Variants in RAD17 observed in about 807,000 individuals in gnomAD.
RAD17 encodes the protein cell cycle checkpoint protein RAD17.
A neutral mutation model predicts 81.5 loss-of-function variants in RAD17; 31 were observed. The ratio of observed to expected loss-of-function variants is 0.38; its 90% CI spans 0.29 to 0.51. The LOEUF (loss-of-function observed/expected upper bound fraction) is 0.51, where lower values mean the gene tolerates loss of function less well. Ranked by LOEUF, RAD17 falls within the 20% of genes least tolerant of loss-of-function variation. The pLI is 0.88. For synonymous variants in RAD17, 261 were observed against 266.2 expected (o/e 0.98, Z 0.19); for missense variants, 681 against 781.2 (o/e 0.87, Z 1.53).
At chr5:69,377,224 T>C (rs1763390088) in intron 6 of RAD17, among the ~76,000 whole-genome samples, 1 of 151,876 alleles carries the variant, frequency 6.6e-6, no homozygotes, top group Admixed American at 6.6e-5. Flanking sequence ...TTTTGGGCAG[T>C]CTATCTGACA....
Position 69,396,474 on chromosome 5 carries a change from T to C in RAD17, c.1500T>C (p.Tyr500=). The change falls in exon 16 of 19, where the codon TAT becomes TAC. Residue 500 remains tyrosine (Y), a synonymous_variant. Coordinates refer to ENST00000354868, the MANE Select transcript of RAD17 (RefSeq NM_133338.3). ...TGCATTCCAACAAAGCCCGAGGATA[T>C]GCTCATTGCCAAGGAGGAGGATCAA... ...GVMHSNKARG[Y]AHCQGGGSSF... 1 of 1,613,386 alleles carries C rather than the reference T, an allele frequency of 6.2e-7. No individual in the cohort carries two copies. The highest frequency in any genetic ancestry group is 8.5e-7 in the Non-Finnish European group (1 of 1,179,816).
Position 69,414,452 on chromosome 5 carries a change from T to C in RAD17, c.*160T>C, listed in dbSNP as rs949270183. The stretch of plus-strand genomic sequence containing the variant: ...TCACAAGAAACCTACTCTTCTGTCA[T>C]CTTGAAGTAAATAGAAGATCAAGCC... On this transcript the variant is annotated 3_prime_UTR_variant, in exon 19 of 19. Transcript: ENST00000354868. 32 of 834,524 alleles carry C rather than the reference T, an allele frequency of 3.8e-5. No individual in the cohort carries two copies. The South Asian group carries it at 5.2e-4, about 14-fold the overall frequency. The allele number at this position is 834,524 out of a possible 1,614,324, so 51.7% of individuals were successfully genotyped here.
chr5:69,380,877 C>T (rs1763811868), intron 6 of RAD17, among the ~76,000 whole-genome samples: 1 of 151,524 alleles, frequency 6.6e-6, no homozygotes, highest in South Asian at 2.1e-4. Flanking sequence ...GTGATTCTTC[C>T]ACCTCAGCCT....
rs1213706480 is a variant in RAD17 at position 69,377,541 on chromosome 5, A to G, written c.351+2830A>G. On this transcript the variant is annotated intron_variant, in intron 6 of 18. Coordinates refer to ENST00000354868, the MANE Select transcript of RAD17 (RefSeq NM_133338.3). ...CGTATATATATGTGTATATATACGT[A>G]TATATATGCATATATATGTATATAT... is the stretch of plus-strand genomic sequence containing the variant. Among the ~76,000 whole-genome samples the G allele has an allele frequency of 2.4e-4, 6 of 24,912 alleles. 2 individuals carry two copies. Among genetic ancestry groups the G allele is most frequent in the Non-Finnish European group, 4.1e-4 (4 of 9,658 alleles). The allele number at this position is 24,912 out of a possible 152,430, so 16.3% of individuals were successfully genotyped here. A position where few individuals can be genotyped will look rare whatever the true frequency, so the allele number is the denominator to read the frequency against.
chr5:69,388,343 GTTAGA>G (rs1764342819), intron 11 of RAD17, among the ~76,000 whole-genome samples: 1 of 152,026 alleles, frequency 6.6e-6, no homozygotes, highest in South Asian at 2.1e-4. Context: ...TCATAAATTA[GTTAGA>G]TTATTTTGTG....
chr5:69,374,003 A>T lies in RAD17; in HGVS notation c.183A>T (p.Leu61Phe), dbSNP rs1197435511. ...PARKRGNLSS[L>F]EQIYGLENSK... ...GAAAAAGAGGAAATCTATCTTCCTT[A>T]GAACAGATTTATGGTTTAGAAAATT... Residue 61 changes from leucine to phenylalanine, a missense_variant, in exon 5 of 19, where the codon TTA becomes TTT. By Grantham distance (22) the Leu-to-Phe change is conservative. Coordinates refer to ENST00000354868, the MANE Select transcript of RAD17 (RefSeq NM_133338.3). The T allele has an allele frequency of 3.1e-6, 5 of 1,612,766 alleles. No individual in the cohort carries two copies. Among genetic ancestry groups the T allele is most frequent in the Non-Finnish European group, 4.2e-6 (5 of 1,178,942 alleles).
At chr5:69,410,026 T>C (rs1267252231) in intron 17 of RAD17, among the ~76,000 whole-genome samples, 3 of 152,230 alleles carry the variant, frequency 2.0e-5, no homozygotes, top group South Asian at 2.1e-4. Context: ...CCATGAGATG[T>C]ATATACCATA....
chr5:69,372,651 G>C (rs1173326476), intron 4 of RAD17, among the ~76,000 whole-genome samples: 1 of 151,480 alleles, frequency 6.6e-6, no homozygotes, highest in Non-Finnish European at 1.5e-5. Context: ...TCACTCTGTT[G>C]CCCGGGCTGG....
intron 6 of RAD17, among the ~76,000 whole-genome samples, chr5:69,377,447 A>ATATATATATG (rs1763423493): frequency 1.0e-4 from 1 of 10,024 alleles, no homozygotes; most frequent in African/African-American, 1.5e-4. Flanking sequence ...GTGTATATAT[A>ATATATATATG]TATATATATA....
intron 18 of RAD17, among the ~76,000 whole-genome samples, chr5:69,411,339 A>G (rs894576658): frequency 5.9e-5 from 9 of 152,044 alleles, no homozygotes; most frequent in Non-Finnish European, 8.8e-5. Flanking sequence ...TCAACCCAGG[A>G]GGTGGAGGTT....
At position 69,383,639 on chromosome 5, in the gene RAD17, A is replaced by G. The variant is rs546330812; in HGVS notation, c.509-1158A>G. The stretch of plus-strand genomic sequence containing the variant: ...AGGTGATCCAACCACCTCGGCCTCC[A>G]AAAGTGCTGGGATTACAGGCGTGAG... On this transcript the variant is annotated intron_variant, in intron 7 of 18. Coordinates refer to ENST00000354868, the MANE Select transcript of RAD17 (RefSeq NM_133338.3). Among the ~76,000 whole-genome samples, 5 of 151,686 alleles carry G rather than the reference A, an allele frequency of 3.3e-5. No individual in the cohort carries two copies. The East Asian group carries it at 9.8e-4, about 30-fold the overall frequency.
rs1328694925 is a variant in RAD17 at position 69,393,103 on chromosome 5, ATATAAT to A, written c.1190-46_1190-41del. The A allele has an allele frequency of 1.2e-5, 15 of 1,246,234 alleles. No homozygotes were observed. In the South Asian group the frequency reaches 1.3e-4, roughly 11 times the overall value. The allele number at this position is 1,246,234 out of a possible 1,614,324, so 77.2% of individuals were successfully genotyped here. On this transcript the variant is annotated intron_variant, in intron 13 of 18. Coordinates refer to ENST00000354868, the MANE Select transcript of RAD17 (RefSeq NM_133338.3). ...TCAAACTCTTCAAATGAGAGGTGCT[ATATAAT>A]TATAAAGAAGGTATTATCTTTAATA...
intron 5 of RAD17, 60 bp from the exon 6 acceptor site, chr5:69,374,568 G>A (rs986303530): frequency 8.2e-7 from 1 of 1,219,178 alleles, no homozygotes; most frequent in Non-Finnish European, 1.2e-6. Context: ...CATATGTGCT[G>A]ATGTACCAAA....
chr5:69,389,003 CT>C (rs765252161), intron 11 of RAD17, 30 bp from the exon 12 acceptor site: 21 of 1,180,954 alleles, frequency 1.8e-5, no homozygotes, highest in Admixed American at 6.0e-5. Flanking sequence ...TAAGAAAATA[CT>C]TTTTTTTAAA....
At chr5:69,409,848 C>T (rs1169108776) in intron 17 of RAD17, among the ~76,000 whole-genome samples, 2 of 152,174 alleles carry the variant, frequency 1.3e-5, no homozygotes, top group Non-Finnish European at 2.9e-5. Flanking sequence ...TCCCTTCCCC[C>T]TGGCAGCCAC....
chr5:69,377,571 G>GTATA (rs1763504108), intron 6 of RAD17, among the ~76,000 whole-genome samples: 1 of 12,040 alleles, frequency 8.3e-5, no homozygotes, highest in African/African-American at 2.0e-4. Flanking sequence ...ATATATATAT[G>GTATA]CATATATATG....
chr5:69,396,136 T>A (rs1764871576), intron 15 of RAD17, among the ~76,000 whole-genome samples: 1 of 152,336 alleles, frequency 6.6e-6, no homozygotes, highest in East Asian at 1.9e-4. Context: ...TTTCCTCATT[T>A]GCCTCAAAAA....
chr5:69,375,087 G>T (rs1320360873), intron 6 of RAD17, among the ~76,000 whole-genome samples: 1 of 152,286 alleles, frequency 6.6e-6, no homozygotes, highest in East Asian at 1.9e-4. Context: ...GTACACTCTA[G>T]CCTGGGCAAC....
intron 17 of RAD17, among the ~76,000 whole-genome samples, chr5:69,409,710 T>C (rs1047776035): frequency 7.9e-5 from 12 of 152,220 alleles, no homozygotes; most frequent in African/African-American, 2.9e-4. Flanking sequence ...AAGTTTATCA[T>C]CTTAACCATT....
Sources: gnomAD v4.1 joint callset for allele counts (sites outside exome capture counted in the v4.1 genomes callset) on GRCh38, gnomAD v4.1.1 for gene constraint, MANE v1.5 for transcripts, NCBI Gene and HGNC (gene_info 2026-07-23, HGNC 2026-07-21) for gene names.